Variants in XKR9 observed in about 807,000 individuals in gnomAD.
XKR9 encodes XK-related protein 9.
A neutral mutation model predicts 32.0 loss-of-function variants in XKR9; 32 were observed. The ratio of observed to expected loss-of-function variants is 1.00; its 90% CI spans 0.76 to 1.34. The LOEUF (loss-of-function observed/expected upper bound fraction) is 1.34. Among genes scored for constraint, XKR9 ranks in the 40% most tolerant of loss-of-function variants. The probability of loss-of-function intolerance (pLI) is 0.00; values close to 1 mark genes in which losing one functional copy is unlikely to be tolerated. For missense variants in XKR9, 546 were observed against 429.7 expected (o/e 1.27, Z -2.39); for synonymous variants, 168 against 143.4 (o/e 1.17, Z -1.22).
chr8:70,912,334 A>G, the XKR9 span, among the ~76,000 whole-genome samples: 2 of 152,136 alleles, frequency 1.3e-5, no homozygotes, highest in Non-Finnish European at 1.5e-5. Context: ...AGAAGATGGG[A>G]GAAGAACTGT....
At chr8:70,720,759 T>A (rs1236353415) in intron 4 of XKR9, among the ~76,000 whole-genome samples, 1 of 152,178 alleles carries the variant, frequency 6.6e-6, no homozygotes. Flanking sequence ...CCTGAAATTT[T>A]CTTTTCTTTT....
the XKR9 span, among the ~76,000 whole-genome samples, chr8:70,919,158 C>T: frequency 6.6e-6 from 1 of 152,134 alleles, no homozygotes; most frequent in African/African-American, 2.4e-5. Context: ...CATTTCGACT[C>T]TGCAATTCAT....
downstream of XKR9, among the ~76,000 whole-genome samples, chr8:70,792,891 C>T (rs551662954): frequency 7.9e-5 from 12 of 152,248 alleles, no homozygotes; most frequent in East Asian, 5.8e-4. Flanking sequence ...AAGCCCTCAT[C>T]GTAGACTGAA....
At chr8:71,005,291 C>G in the XKR9 span, among the ~76,000 whole-genome samples, 1 of 149,214 alleles carries the variant, frequency 6.7e-6, no homozygotes, top group Non-Finnish European at 1.5e-5. Flanking sequence ...GGTGCAATCT[C>G]AGCTCACTGC....
intron 4 of XKR9, among the ~76,000 whole-genome samples, chr8:70,730,601 A>G (rs911056840): frequency 2.6e-5 from 4 of 152,068 alleles, no homozygotes; most frequent in African/African-American, 9.7e-5. Flanking sequence ...TAAGATTTAT[A>G]ATCTCCCCAA....
chr8:70,932,159 A>G, the XKR9 span, among the ~76,000 whole-genome samples: 35 of 151,776 alleles, frequency 2.3e-4, no homozygotes, highest in Non-Finnish European at 5.0e-4. Flanking sequence ...TAAGTAAAAT[A>G]TTATATTGTT....
At chr8:71,043,515 G>A in the XKR9 span, among the ~76,000 whole-genome samples, 12 of 152,190 alleles carry the variant, frequency 7.9e-5, no homozygotes, top group Non-Finnish European at 4.4e-5. Flanking sequence ...GCATTAAGAA[G>A]AATGATGCCT....
chr8:70,872,010 T>G, the XKR9 span, among the ~76,000 whole-genome samples: 9 of 152,334 alleles, frequency 5.9e-5, no homozygotes, highest in South Asian at 1.7e-3. Context: ...TGCACATCAT[T>G]GCTATGGAAC....
chr8:70,809,104 G>A, the XKR9 span, among the ~76,000 whole-genome samples: 1 of 152,166 alleles, frequency 6.6e-6, no homozygotes, highest in East Asian at 1.9e-4. Context: ...AAACTTCCAG[G>A]GGAACGATCA....
At chr8:70,944,442 G>T in the XKR9 span, among the ~76,000 whole-genome samples, 1 of 152,150 alleles carries the variant, frequency 6.6e-6, no homozygotes, top group Admixed American at 6.6e-5. Context: ...GTTATGAGGG[G>T]AAAAATTACC....
chr8:71,052,225 G>A, the XKR9 span, among the ~76,000 whole-genome samples: 1 of 152,200 alleles, frequency 6.6e-6, no homozygotes. Flanking sequence ...TGTTGTTATT[G>A]TGTTGTTTTT....
chr8:70,966,891 T>C, the XKR9 span, among the ~76,000 whole-genome samples: 1 of 152,110 alleles, frequency 6.6e-6, no homozygotes, highest in East Asian at 1.9e-4. Context: ...CTTTGTCTTT[T>C]TTGATCTTTG....
chr8:70,824,884 A>T, the XKR9 span, among the ~76,000 whole-genome samples: 1 of 152,018 alleles, frequency 6.6e-6, no homozygotes, highest in African/African-American at 2.4e-5. Flanking sequence ...AGATACAAGA[A>T]CTCATTAGGG....
At chr8:70,740,921 G>A (rs1431350912), downstream of XKR9, among the ~76,000 whole-genome samples, 2 of 152,222 alleles carry the variant, frequency 1.3e-5, no homozygotes, top group Non-Finnish European at 2.9e-5. Context: ...CAGGGGTCAG[G>A]GACCCACTTG....
intron 2 of XKR9, among the ~76,000 whole-genome samples, chr8:70,769,045 A>AT (rs1229322560): frequency 6.6e-6 from 1 of 151,928 alleles, no homozygotes; most frequent in Non-Finnish European, 1.5e-5. Flanking sequence ...ATATTTTGGT[A>AT]TGTTTTTATA....
the XKR9 span, among the ~76,000 whole-genome samples, chr8:71,021,791 G>T: frequency 6.6e-6 from 1 of 152,166 alleles, no homozygotes; most frequent in African/African-American, 2.4e-5. Context: ...GTGAGCCACC[G>T]CGCCCGGCCT....
At chr8:70,977,438 G>T in the XKR9 span, among the ~76,000 whole-genome samples, 1 of 152,144 alleles carries the variant, frequency 6.6e-6, no homozygotes, top group Non-Finnish European at 1.5e-5. Context: ...AGAGATTATG[G>T]TACGTTGTGT....
At chr8:70,691,837 C>T (rs1445630121) in intron 3 of XKR9, among the ~76,000 whole-genome samples, 3 of 152,150 alleles carry the variant, frequency 2.0e-5, no homozygotes, top group South Asian at 2.1e-4. Flanking sequence ...AGTTTGGAGT[C>T]GAATAACATG....
intron 4 of XKR9, among the ~76,000 whole-genome samples, chr8:70,713,790 G>C (rs1226303288): frequency 1.3e-5 from 2 of 152,060 alleles, no homozygotes; most frequent in Non-Finnish European, 2.9e-5. Context: ...GGTTTTTAAA[G>C]TGTAAAGCAA....
Sources: allele counts gnomAD v4.1 joint callset (sites outside exome capture counted in the v4.1 genomes callset), GRCh38; gene constraint gnomAD v4.1.1; transcripts MANE v1.5; gene names NCBI Gene and HGNC (gene_info 2026-07-23, HGNC 2026-07-21).